The following RBFOX3 variants were observed in gnomAD, a reference collection of about 807,000 sequenced individuals.
The protein encoded by RBFOX3 is RNA binding fox-1 homolog 3.
In RBFOX3, 17 loss-of-function variants were observed where a neutral mutation model predicts 48.7. That is an observed-to-expected ratio of 0.35 (90% CI 0.24 to 0.52). The LOEUF is 0.52. Among genes scored for constraint, RBFOX3 ranks in the 20% least tolerant of loss-of-function variants. The pLI, the probability that RBFOX3 is intolerant of heterozygous loss-of-function variation, is 0.94. For synonymous variants in RBFOX3, 212 were observed against 209.5 expected (o/e 1.01, Z -0.10); for missense variants, 382 against 497.5 (o/e 0.77, Z 2.21).
chr17:79,104,799 T>C (rs1051212925), intron 6 of RBFOX3, among the ~76,000 whole-genome samples: 4 of 151,452 alleles, frequency 2.6e-5, no homozygotes, highest in Admixed American at 2.6e-4. Context: ...GGGAGGAGGT[T>C]GGGCAGGGGG....
intron 2 of RBFOX3, among the ~76,000 whole-genome samples, chr17:79,440,272 G>A (rs145694069): frequency 6.6e-5 from 10 of 152,358 alleles, no homozygotes; most frequent in East Asian, 5.8e-4. Context: ...CGGACGGGCC[G>A]TGCTTTTCCA....
chr17:79,596,863 T>C (rs1289606742), intron 1 of RBFOX3, among the ~76,000 whole-genome samples: 2 of 152,306 alleles, frequency 1.3e-5, no homozygotes, highest in East Asian at 1.9e-4. Flanking sequence ...TGCGTGCCTG[T>C]CTACGTCAGT....
At chr17:79,367,189 T>C (rs1353880960) in intron 2 of RBFOX3, among the ~76,000 whole-genome samples, 3 of 151,710 alleles carry the variant, frequency 2.0e-5, no homozygotes, top group Non-Finnish European at 4.4e-5. Context: ...CCTTTCCTTC[T>C]TCTCTTCCTT....
At chr17:79,631,871 T>C in the RBFOX3 span, among the ~76,000 whole-genome samples, 2 of 152,128 alleles carry the variant, frequency 1.3e-5, no homozygotes, top group Admixed American at 1.3e-4. Flanking sequence ...TCGTTTATAA[T>C]TGCCCTTGCA....
At chr17:79,115,083 C>A (rs548230488) in intron 5 of RBFOX3, among the ~76,000 whole-genome samples, 1 of 152,364 alleles carries the variant, frequency 6.6e-6, no homozygotes, top group African/African-American at 2.4e-5. Flanking sequence ...GCCACCTCCA[C>A]GGCTCTGCCT....
intron 2 of RBFOX3, among the ~76,000 whole-genome samples, chr17:79,310,266 G>A (rs1207102981): frequency 1.3e-5 from 2 of 152,152 alleles, no homozygotes; most frequent in East Asian, 3.9e-4. Flanking sequence ...TTCCCTGAAG[G>A]CCTGGGGGTT....
intron 2 of RBFOX3, among the ~76,000 whole-genome samples, chr17:79,335,068 T>G (rs2377401): frequency 0.86 from 130,258 of 151,870 alleles, 55,979 homozygotes; most frequent in Non-Finnish European, 0.89. Flanking sequence ...AGAGTTACTG[T>G]CATCACACTG....
rs561428341 is a variant in RBFOX3 at position 79,457,594 on chromosome 17, C to A, written c.-175+24860G>T. Among the ~76,000 whole-genome samples, 51 of 152,276 alleles carry A rather than the reference C, an allele frequency of 3.3e-4. 1 individual carries two copies. In the South Asian group the frequency reaches 8.3e-3, roughly 25 times the overall value. On this transcript the variant is annotated intron_variant, in intron 2 of 14. Transcript: ENST00000693108. ...CTCCGTTTCCGGGGCAGTTGGGGCG[C>A]CCTCTCTCCCCAGGACAGTGGCAGT... is the stretch of plus-strand genomic sequence containing the variant.
chr17:79,612,671 G>A (rs1000299356), upstream of RBFOX3, among the ~76,000 whole-genome samples: 114 of 152,320 alleles, frequency 7.5e-4, 2 homozygotes, highest in African/African-American at 2.5e-3. Flanking sequence ...CCGTGTCTAC[G>A]AGCAAGGCAG....
intron 4 of RBFOX3, among the ~76,000 whole-genome samples, chr17:79,181,088 C>T (rs1052442504): frequency 8.5e-5 from 13 of 152,170 alleles, no homozygotes; most frequent in African/African-American, 2.4e-5. Context: ...TGCCATTTTT[C>T]GGAGGCTTGC....
Position 79,101,654 on chromosome 17 carries a change from G to A in RBFOX3, c.508-10C>T, listed in dbSNP as rs1464475862. ...CCGTGGCATTATTGACCTGTTCAAA[G>A]AGGGAAGGAGAGAGAGGAAGAGGGA... On this transcript the variant is annotated splice_polypyrimidine_tract_variant and intron_variant, in intron 8 of 14. Coordinates refer to ENST00000693108, the MANE Select transcript of RBFOX3 (RefSeq NM_001350451.2). 1.3e-6 allele frequency: 2 copies of A among 1,550,598 alleles called. No homozygotes were observed. The highest frequency in any genetic ancestry group is 2.7e-5 in the African/African-American group (2 of 73,038).
intron 4 of RBFOX3, among the ~76,000 whole-genome samples, chr17:79,224,975 G>A (rs780665256): frequency 6.6e-6 from 1 of 152,206 alleles, no homozygotes; most frequent in Non-Finnish European, 1.5e-5. Context: ...CCTACTAAAT[G>A]TTTACATAAA....
At chr17:79,602,435 G>A (rs971786660) in intron 1 of RBFOX3, among the ~76,000 whole-genome samples, 153 of 152,254 alleles carry the variant, frequency 1.0e-3, no homozygotes, top group Middle Eastern at 3.4e-3. Context: ...GCACCCCTGC[G>A]AGGAACACAA....
intron 4 of RBFOX3, among the ~76,000 whole-genome samples, chr17:79,209,860 G>A (rs1022337216): frequency 6.6e-6 from 1 of 152,108 alleles, no homozygotes; most frequent in Non-Finnish European, 1.5e-5. Context: ...AGCCGGGCGT[G>A]GTGGTGGCCG....
At chr17:79,450,921 C>A (rs1437365008) in intron 2 of RBFOX3, among the ~76,000 whole-genome samples, 1 of 152,166 alleles carries the variant, frequency 6.6e-6, no homozygotes, top group East Asian at 1.9e-4. Flanking sequence ...AGAAGTAAAA[C>A]CTACTTTTAG....
chr17:79,139,822 G>A (rs2041543881), intron 4 of RBFOX3, among the ~76,000 whole-genome samples: 1 of 152,208 alleles, frequency 6.6e-6, no homozygotes, highest in Non-Finnish European at 1.5e-5. Flanking sequence ...CGATGCCGGA[G>A]GGGCAGAACC....
the RBFOX3 span, among the ~76,000 whole-genome samples, chr17:79,655,458 ATG>A: frequency 6.6e-6 from 1 of 152,236 alleles, no homozygotes; most frequent in Non-Finnish European, 1.5e-5. Context: ...AGCTGTGACT[ATG>A]TGTCCAAACC....
chr17:79,369,916 CAG>C (rs2058294124), intron 2 of RBFOX3, among the ~76,000 whole-genome samples: 1 of 152,196 alleles, frequency 6.6e-6, no homozygotes, highest in Non-Finnish European at 1.5e-5. Flanking sequence ...TACGTCGGTG[CAG>C]AGTGGCCTTG....
chr17:79,464,762 G>T (rs1165956712), intron 2 of RBFOX3, among the ~76,000 whole-genome samples: 1 of 152,228 alleles, frequency 6.6e-6, no homozygotes, highest in Non-Finnish European at 1.5e-5. Flanking sequence ...GCACACTGAG[G>T]CCAGGGCCTT....
Sources: gnomAD v4.1 joint callset for allele counts (sites outside exome capture counted in the v4.1 genomes callset) on GRCh38, gnomAD v4.1.1 for gene constraint, MANE v1.5 for transcripts, NCBI Gene and HGNC (gene_info 2026-07-23, HGNC 2026-07-21) for gene names.